SFSWAP: variants seen among roughly 807,000 people sequenced by gnomAD.
SFSWAP encodes splicing factor SWAP.
Under a neutral mutation model 100.7 loss-of-function variants are expected in SFSWAP, and 17 were observed. The observed-to-expected ratio is 0.17, with a 90% CI of 0.12 to 0.25. The LOEUF is 0.25. Ranked by LOEUF, SFSWAP falls within the 10% of genes least tolerant of loss-of-function variation. The pLI, the probability that SFSWAP is intolerant of heterozygous loss-of-function variation, is 1.00. For missense variants in SFSWAP, 1,005 were observed against 1,262.6 expected, an observed-to-expected ratio of 0.80 and a Z score of 3.09; for synonymous variants, 504 against 510.1, an observed-to-expected ratio of 0.99 and a Z score of 0.16.
rs1419976741 is a variant in SFSWAP at position 131,733,646 on chromosome 12, C to T, written c.1081+5218C>T. Reference sequence around the variant, plus strand: ...CGTATTCCTGGAGAGAGAAGGAGGCCTGTCACAGCATCTGTGACAGCCCGG... The same window carrying T: ...CGTATTCCTGGAGAGAGAAGGAGGCTTGTCACAGCATCTGTGACAGCCCGG... On this transcript the variant is annotated intron_variant, in intron 7 of 17. Coordinates refer to ENST00000261674, the MANE Select transcript of SFSWAP (RefSeq NM_004592.4). This position sits in a 1 kb window ranked among gnomAD's most constrained non-coding sequence, Gnocchi z 5.1. 6.6e-6 allele frequency among the ~76,000 whole-genome samples: 1 copy of T among 151,968 alleles called. No homozygotes were observed. The highest frequency in any genetic ancestry group is 1.5e-5 in the Non-Finnish European group (1 of 67,966).
chr12:131,741,786 T>C (rs1450916612), intron 7 of SFSWAP, among the ~76,000 whole-genome samples: 1 of 152,212 alleles, frequency 6.6e-6, no homozygotes, highest in African/African-American at 2.4e-5. Flanking sequence ...GTTGAATTCC[T>C]GTCTTCCCAG....
rs563974560 is a variant in SFSWAP at position 131,756,612 on chromosome 12, G to A, written c.1688G>A (p.Ser563Asn). The change falls in exon 11 of 18, where the codon AGT (serine) becomes AAT (asparagine). Residue 563 changes from serine (S) to asparagine (N), a missense_variant. By Grantham distance (46) the Ser-to-Asn change is conservative. Transcript: ENST00000261674. Reference sequence around the variant, plus strand: ...GGCGGGAAGAAGGAGGCATCGTCCAGTAAGACCGTCCCGGACGGGAAGCTG... The same window carrying A: ...GGCGGGAAGAAGGAGGCATCGTCCAATAAGACCGTCCCGGACGGGAAGCTG... ...GSGGKKEASS[S>N]KTVPDGKLVK... 8 of 1,610,552 alleles carry A rather than the reference G, an allele frequency of 5.0e-6. No homozygotes were observed. The South Asian group carries it at 8.8e-5, about 18-fold the overall frequency.
intron 11 of SFSWAP, among the ~76,000 whole-genome samples, chr12:131,760,686 T>A (rs1307354020): frequency 1.3e-5 from 2 of 152,180 alleles, no homozygotes; most frequent in African/African-American, 4.8e-5. Context: ...TGGAAACAGT[T>A]ATGGGAAATT....
chr12:131,766,606 C>T (rs933246475), intron 13 of SFSWAP, among the ~76,000 whole-genome samples: 4 of 152,218 alleles, frequency 2.6e-5, no homozygotes, highest in South Asian at 2.1e-4. Context: ...GGAGTGCCTC[C>T]CATGGGTCCT....
chr12:131,762,102 G>A (rs370683044), intron 11 of SFSWAP, among the ~76,000 whole-genome samples: 1 of 152,192 alleles, frequency 6.6e-6, no homozygotes, highest in Non-Finnish European at 1.5e-5. Context: ...GCATGGTGGC[G>A]AGCACCTGTA....
rs566018957 is a variant in SFSWAP at position 131,776,680 on chromosome 12, C to G, written c.2143-1385C>G. On this transcript the variant is annotated intron_variant, in intron 13 of 17. Coordinates refer to ENST00000261674, the MANE Select transcript of SFSWAP (RefSeq NM_004592.4). ...TGCCGCGGGCTGGGCTGGAGCTCTC[C>G]CCGGGGAGCAGCTGGGGGCAGCCTG... is the stretch of plus-strand genomic sequence containing the variant. 5.3e-5 allele frequency among the ~76,000 whole-genome samples: 8 copies of G among 152,354 alleles called. No homozygotes were observed. The South Asian group carries it at 6.2e-4, about 12-fold the overall frequency.
At chr12:131,731,495 T>C (rs1339157218) in intron 7 of SFSWAP, among the ~76,000 whole-genome samples, 1 of 152,236 alleles carries the variant, frequency 6.6e-6, no homozygotes, top group Non-Finnish European at 1.5e-5. Flanking sequence ...TTGTTGGCAG[T>C]TGCAGGTGGA....
At chr12:131,785,160 G>A in intron 14 of SFSWAP, 1 of 1,535,726 alleles carries the variant, frequency 6.5e-7, no homozygotes, top group South Asian at 1.2e-5. Context: ...GAAGTTATCA[G>A]GCAGCCTCGA....
chr12:131,736,403 A>G (rs993101511), intron 7 of SFSWAP, among the ~76,000 whole-genome samples: 1 of 152,214 alleles, frequency 6.6e-6, no homozygotes, highest in Non-Finnish European at 1.5e-5. Flanking sequence ...AATTTTTTAA[A>G]AAATGAGGGG....
chr12:131,783,179 TAAA>T (rs555914355), intron 14 of SFSWAP, among the ~76,000 whole-genome samples: 7 of 124,616 alleles, frequency 5.6e-5, no homozygotes, highest in Admixed American at 8.3e-5. Context: ...AGACTCCGTC[TAAA>T]AAAAAAAAAA....
chr12:131,733,340 A>C lies in SFSWAP; in HGVS notation c.1081+4912A>C, dbSNP rs958559198. Among the ~76,000 whole-genome samples the C allele has an allele frequency of 6.6e-6, 1 of 152,172 alleles. No individual in the cohort carries two copies. Among genetic ancestry groups the C allele is most frequent in the African/African-American group, 2.4e-5 (1 of 41,442 alleles). ...GAGCCAGGGGTGGATTGGCAGGCCT[A>C]TAAGGCGCCTTTCACATTGAGGGTC... On this transcript the variant is annotated intron_variant, in intron 7 of 17. Coordinates refer to ENST00000261674, the MANE Select transcript of SFSWAP (RefSeq NM_004592.4). This position sits in a 1 kb window ranked among gnomAD's most constrained non-coding sequence, Gnocchi z 5.1.
In SFSWAP at chr12:131,753,408, A is replaced by T. The variant is rs773504431; in HGVS notation, c.1322+45A>T. The stretch of plus-strand genomic sequence containing the variant: ...CTGCCTGCTGTGTGAGTCACTCAGC[A>T]CTGCAGTCACTGGGGCCGTCTGTGT... On this transcript the variant is annotated intron_variant, in intron 8 of 17. Coordinates refer to ENST00000261674, the MANE Select transcript of SFSWAP (RefSeq NM_004592.4). 7.6e-5 allele frequency: 120 copies of T among 1,571,438 alleles called. 1 individual carries two copies. The Middle Eastern group carries it at 3.1e-3, about 40-fold the overall frequency.
chr12:131,781,691 G>A (rs1458030030), intron 14 of SFSWAP, among the ~76,000 whole-genome samples: 1 of 152,090 alleles, frequency 6.6e-6, no homozygotes, highest in South Asian at 2.1e-4. Flanking sequence ...TCCGACCTAC[G>A]TTTAAAACAC....
intron 17 of SFSWAP, 123 bp downstream of exon 17, chr12:131,799,232 A>T: frequency 2.9e-6 from 3 of 1,028,042 alleles, no homozygotes; most frequent in Non-Finnish European, 4.5e-6. Context: ...CTCGGGCAAA[A>T]TACCACAGGC....
rs780069979 is a variant in SFSWAP, at chr12:131,764,469, A to G, written c.1734A>G (p.Pro578=). 1.9e-6 allele frequency: 3 copies of G among 1,614,042 alleles called. No homozygotes were observed. The highest frequency in any genetic ancestry group is 2.5e-6 in the Non-Finnish European group (3 of 1,179,854). Residue 578 remains proline, a synonymous_variant, in exon 12 of 18, where the codon CCA becomes CCG. Transcript: ENST00000261674. ...DGKLVKASFA[P]ISFAIKAKEN... ...TTTCCTCAATAGCTTCCTTTGCTCC[A>G]ATAAGCTTTGCAATCAAGGCCAAAG...
chr12:131,778,390 C>T lies in SFSWAP; in HGVS notation c.2408+60C>T. 1 of 1,573,014 alleles carries T rather than the reference C, an allele frequency of 6.4e-7. No homozygotes were observed. The highest frequency in any genetic ancestry group is 8.6e-7 in the Non-Finnish European group (1 of 1,161,522). ...CATGACCCCCATGTCCTTCACAGGA[C>T]ACCCAGTAGAGCTAGGTAGAACGTT... On this transcript the variant is annotated intron_variant, in intron 14 of 17. Coordinates refer to ENST00000261674, the MANE Select transcript of SFSWAP (RefSeq NM_004592.4). The surrounding 1 kb of genome is among the most constrained non-coding windows in gnomAD (Gnocchi z 4.2).
Position 131,730,089 on chromosome 12 carries a change from C to G in SFSWAP, c.1081+1661C>G, listed in dbSNP as rs1879357380. ...CTCTACTGCTACAGAGGTGCGTGTTCAATAGTGTAGGCAGCCAGCTGTCTG... is the reference window on the plus strand; with the variant it reads ...CTCTACTGCTACAGAGGTGCGTGTTGAATAGTGTAGGCAGCCAGCTGTCTG... On this transcript the variant is annotated intron_variant, in intron 7 of 17. Transcript: ENST00000261674. This position sits in a 1 kb window ranked among gnomAD's most constrained non-coding sequence, Gnocchi z 4.0. Among the ~76,000 whole-genome samples, 1 of 152,184 alleles carries G rather than the reference C, an allele frequency of 6.6e-6. No individual in the cohort carries two copies. The highest frequency in any genetic ancestry group is 2.4e-5 in the African/African-American group (1 of 41,434).
At chr12:131,728,179 G>A (rs1879166092) in intron 6 of SFSWAP, 114 bp from the exon 7 acceptor site, 2 of 1,196,176 alleles carry the variant, frequency 1.7e-6, no homozygotes, top group Non-Finnish European at 1.2e-6. Flanking sequence ...GCGTGCATGT[G>A]TGTGTTTTTT....
At chr12:131,792,223 ACT>A (rs1380987596) in intron 15 of SFSWAP, among the ~76,000 whole-genome samples, 1 of 150,640 alleles carries the variant, frequency 6.6e-6, no homozygotes, top group Non-Finnish European at 1.5e-5. Flanking sequence ...ACGGATCATT[ACT>A]GTGTGTGCGC....
Sources: gnomAD v4.1 joint callset for allele counts (sites outside exome capture counted in the v4.1 genomes callset) on GRCh38, gnomAD v4.1.1 for gene constraint, Gnocchi (gnomAD v3.1) non-coding constraint, MANE v1.5 for transcripts, NCBI Gene and HGNC (gene_info 2026-07-23, HGNC 2026-07-21) for gene names.